DPP10: variants seen among roughly 807,000 people sequenced by gnomAD.
The protein encoded by DPP10 is dipeptidyl peptidase like 10.
In DPP10, 33 loss-of-function variants were observed where a neutral mutation model predicts 120.9. The ratio of observed to expected loss-of-function variants is 0.27; its 90% CI spans 0.21 to 0.37. The LOEUF (loss-of-function observed/expected upper bound fraction) is 0.37. DPP10 is among the 10% of genes least tolerant of loss of function. The pLI is 1.00. For synonymous variants in DPP10, 337 were observed against 326.1 expected (o/e 1.03, Z -0.36); for missense variants, 816 against 942.8 (o/e 0.87, Z 1.76).
intron 5 of DPP10, among the ~76,000 whole-genome samples, chr2:115,675,758 A>C (rs1003503404): frequency 6.6e-6 from 1 of 152,148 alleles, no homozygotes; most frequent in African/African-American, 2.4e-5. Flanking sequence ...GAGAAAAAAA[A>C]TTAATGCTAG....
At chr2:115,518,704 G>A (rs1303407015) in intron 4 of DPP10, among the ~76,000 whole-genome samples, 1 of 151,906 alleles carries the variant, frequency 6.6e-6, no homozygotes, top group East Asian at 1.9e-4. Context: ...TGTGCCTGAT[G>A]GGCTATCAGA....
At chr2:114,999,726 G>C (rs553187238) in intron 1 of DPP10, among the ~76,000 whole-genome samples, 120 of 152,072 alleles carry the variant, frequency 7.9e-4, no homozygotes, top group African/African-American at 2.8e-3. Flanking sequence ...AGCTTCCCTT[G>C]ACACTTAAAC....
intron 1 of DPP10, among the ~76,000 whole-genome samples, chr2:114,975,337 C>T (rs1380204383): frequency 6.6e-6 from 1 of 152,100 alleles, no homozygotes; most frequent in South Asian, 2.1e-4. Context: ...AGCCACCGTG[C>T]CTGGCTGAAG....
chr2:114,775,772 G>T (rs1681671876), intron 1 of DPP10, among the ~76,000 whole-genome samples: 1 of 152,190 alleles, frequency 6.6e-6, no homozygotes. Flanking sequence ...TTATAGTCAA[G>T]AAGTGTCTTA....
chr2:115,656,069 A>G (rs2088294415), intron 5 of DPP10, among the ~76,000 whole-genome samples: 1 of 151,470 alleles, frequency 6.6e-6, no homozygotes. Context: ...ATCTATATTA[A>G]TAAGACAGTA....
chr2:114,610,027 C>T (rs150158617), intron 1 of DPP10, among the ~76,000 whole-genome samples: 2 of 152,250 alleles, frequency 1.3e-5, no homozygotes, highest in East Asian at 1.9e-4. Flanking sequence ...AGGCAATGTT[C>T]GTATCTGTTT....
intron 3 of DPP10, among the ~76,000 whole-genome samples, chr2:115,351,326 T>G (rs1190547443): frequency 2.6e-5 from 4 of 151,966 alleles, no homozygotes; most frequent in Non-Finnish European, 5.9e-5. Flanking sequence ...ATCTTGAGGA[T>G]GGGCAGACGT....
At chr2:115,002,012 C>T (rs1204607309) in intron 1 of DPP10, among the ~76,000 whole-genome samples, 3 of 152,126 alleles carry the variant, frequency 2.0e-5, no homozygotes, top group Non-Finnish European at 4.4e-5. Flanking sequence ...TGACATTCCT[C>T]ACAGAATTAG....
intron 1 of DPP10, among the ~76,000 whole-genome samples, chr2:115,120,900 A>T (rs2049788767): frequency 6.6e-6 from 1 of 152,198 alleles, no homozygotes; most frequent in Non-Finnish European, 1.5e-5. Context: ...TAACCTTTGA[A>T]TTAGACTAAA....
intron 4 of DPP10, among the ~76,000 whole-genome samples, chr2:115,514,869 T>C (rs555375412): frequency 2.0e-5 from 3 of 152,024 alleles, no homozygotes; most frequent in African/African-American, 4.8e-5. Context: ...TAAATATTTG[T>C]ATCTGTCAAA....
intron 2 of DPP10, among the ~76,000 whole-genome samples, chr2:115,334,731 G>A (rs1260047264): frequency 6.6e-6 from 1 of 151,922 alleles, no homozygotes; most frequent in Non-Finnish European, 1.5e-5. Flanking sequence ...TTGTCTGAAA[G>A]TGAATAATGT....
intron 1 of DPP10, among the ~76,000 whole-genome samples, chr2:114,569,362 G>A (rs1026074735): frequency 6.6e-6 from 1 of 152,172 alleles, no homozygotes; most frequent in Non-Finnish European, 1.5e-5. Flanking sequence ...TGGAGTGAGT[G>A]CATGTTACAA....
chr2:114,930,914 C>T (rs1166946245), intron 1 of DPP10, among the ~76,000 whole-genome samples: 2 of 152,162 alleles, frequency 1.3e-5, no homozygotes, highest in Admixed American at 6.5e-5. Flanking sequence ...AGAATGGCAG[C>T]AAGCAGTTCA....
At chr2:115,339,104 A>G (rs2063312191) in intron 2 of DPP10, among the ~76,000 whole-genome samples, 1 of 152,210 alleles carries the variant, frequency 6.6e-6, no homozygotes, top group Non-Finnish European at 1.5e-5. Context: ...CAAATGCAGC[A>G]TTAAACAAAC....
chr2:114,746,756 C>T (rs188774575), intron 1 of DPP10, among the ~76,000 whole-genome samples: 1 of 152,160 alleles, frequency 6.6e-6, no homozygotes, highest in African/African-American at 2.4e-5. Flanking sequence ...GGAATCAAAG[C>T]AAGCTGCTCT....
At chr2:114,860,849 C>G (rs185439687) in intron 1 of DPP10, among the ~76,000 whole-genome samples, 11 of 152,136 alleles carry the variant, frequency 7.2e-5, no homozygotes, top group African/African-American at 2.6e-4. Context: ...AAAAAGAATC[C>G]CTCTAAATCC....
chr2:114,510,762 T>C (rs1273460425), intron 1 of DPP10, among the ~76,000 whole-genome samples: 1 of 151,122 alleles, frequency 6.6e-6, no homozygotes, highest in Non-Finnish European at 1.5e-5. Context: ...GTTTTTCAAC[T>C]GTTTGCCTTT....
chr2:115,563,855 T>C (rs1456808009), intron 5 of DPP10, among the ~76,000 whole-genome samples: 1 of 152,208 alleles, frequency 6.6e-6, no homozygotes, highest in Non-Finnish European at 1.5e-5. Context: ...AGATTTTCTC[T>C]ATAAATGATT....
At position 115,844,474 on chromosome 2, in the gene DPP10, A is replaced by G. The variant is rs1440545541; in HGVS notation, c.*2129A>G. ...GGAACCCGTTTTCCCCTTAAACACT[A>G]AAGAGACCTCAAGTGAAAGCATATT... On this transcript the variant is annotated 3_prime_UTR_variant, in exon 26 of 26. Transcript: ENST00000410059. 5.9e-5 allele frequency: 9 copies of G among 152,530 alleles called. No individual in the cohort carries two copies. The highest frequency in any genetic ancestry group is 7.4e-5 in the Non-Finnish European group (5 of 68,024). The allele number at this position is 152,530 out of a possible 1,614,324, so 9.4% of individuals were successfully genotyped here.
Sources: allele counts gnomAD v4.1 joint callset (sites outside exome capture counted in the v4.1 genomes callset), GRCh38; gene constraint gnomAD v4.1.1; transcripts MANE v1.5; gene names NCBI Gene and HGNC (gene_info 2026-07-23, HGNC 2026-07-21).